The following SLC35F4 variants were observed in gnomAD, a reference collection of about 807,000 sequenced individuals.
SLC35F4 encodes solute carrier family 35 member F4, also known as chromosome 14 open reading frame 36.
Under a neutral mutation model 44.2 loss-of-function variants are expected in SLC35F4, and 24 were observed. The ratio of observed to expected loss-of-function variants is 0.54; its 90% CI spans 0.39 to 0.76. The LOEUF (loss-of-function observed/expected upper bound fraction) is 0.76, where lower values mean the gene tolerates loss of function less well. SLC35F4 is among the 30% of genes least tolerant of loss of function. SLC35F4 has a pLI of 0.00. For synonymous variants in SLC35F4, 238 were observed against 223.6 expected (o/e 1.06, Z -0.57); for missense variants, 562 against 586.1 (o/e 0.96, Z 0.42).
intron 1 of SLC35F4, among the ~76,000 whole-genome samples, chr14:57,784,426 G>A (rs1037241522): frequency 1.3e-5 from 2 of 152,206 alleles, no homozygotes; most frequent in Non-Finnish European, 2.9e-5. Context: ...GCTCATGCCT[G>A]TAATTACAAC....
intron 3 of SLC35F4, among the ~76,000 whole-genome samples, chr14:57,588,721 G>A (rs2069957405): frequency 6.6e-6 from 1 of 152,128 alleles, no homozygotes; most frequent in African/African-American, 2.4e-5. Flanking sequence ...ATGAAATCAG[G>A]CCATGTCATC....
intron 1 of SLC35F4, among the ~76,000 whole-genome samples, chr14:57,897,920 A>G (rs1166985191): frequency 6.6e-6 from 1 of 152,184 alleles, no homozygotes; most frequent in Non-Finnish European, 1.5e-5. Flanking sequence ...TTATACCAAT[A>G]TGAAAAATAA....
intron 1 of SLC35F4, among the ~76,000 whole-genome samples, chr14:57,700,560 G>T (rs572115329): frequency 1.6e-3 from 236 of 151,894 alleles, no homozygotes; most frequent in African/African-American, 5.4e-3. Flanking sequence ...AAAAATTTTT[G>T]ACTCTTTTAT....
At chr14:57,768,904 C>T (rs2077295710) in intron 1 of SLC35F4, among the ~76,000 whole-genome samples, 1 of 152,138 alleles carries the variant, frequency 6.6e-6, no homozygotes. Context: ...AGGTGTGTGC[C>T]ACCACGCCAG....
At chr14:57,838,240 A>G (rs1885132208) in intron 1 of SLC35F4, among the ~76,000 whole-genome samples, 1 of 152,206 alleles carries the variant, frequency 6.6e-6, no homozygotes, top group Non-Finnish European at 1.5e-5. Flanking sequence ...AGGAGAACAG[A>G]GGTGAGGCTT....
At chr14:57,741,407 A>G (rs1161859036) in intron 1 of SLC35F4, among the ~76,000 whole-genome samples, 1 of 152,226 alleles carries the variant, frequency 6.6e-6, no homozygotes, top group Non-Finnish European at 1.5e-5. Context: ...GACCTGATGG[A>G]GCTGAAAACC....
At chr14:57,800,500 C>T (rs2078165605) in intron 1 of SLC35F4, among the ~76,000 whole-genome samples, 1 of 152,156 alleles carries the variant, frequency 6.6e-6, no homozygotes, top group Admixed American at 6.5e-5. Context: ...GGGCACAGAA[C>T]TGGACTGAGG....
chr14:57,838,788 G>GT (rs200360976), intron 1 of SLC35F4, among the ~76,000 whole-genome samples: 1,634 of 152,226 alleles, frequency 0.011, 17 homozygotes, highest in Admixed American at 0.017. Flanking sequence ...GATTATAGGT[G>GT]TATATAGAGA....
chr14:57,719,594 AT>A (rs34957505), intron 1 of SLC35F4, among the ~76,000 whole-genome samples: 127,684 of 148,288 alleles, frequency 0.86, 55,672 homozygotes, highest in Non-Finnish European at 0.95. Context: ...TTTTCCTGGG[AT>A]TTTTTTTTTT....
intron 1 of SLC35F4, among the ~76,000 whole-genome samples, chr14:57,719,079 T>C (rs548666638): frequency 5.3e-4 from 81 of 152,338 alleles, no homozygotes; most frequent in African/African-American, 1.9e-3. Flanking sequence ...CTCAGCAGCA[T>C]TGATTGAAAA....
Position 57,960,130 on chromosome 14 carries a change from C to T in SLC35F4, n.282+21783G>A, listed in dbSNP as rs115237686. Among the ~76,000 whole-genome samples, 973 of 152,300 alleles carry T rather than the reference C, an allele frequency of 6.4e-3. 13 individuals carry two copies. Among genetic ancestry groups the T allele is most frequent in the African/African-American group, 0.022 (915 of 41,558 alleles). On this transcript the variant is annotated intron_variant and non_coding_transcript_variant, in intron 1 of 1. Transcript: ENST00000556568. The stretch of plus-strand genomic sequence containing the variant: ...TGAGAATAGTTACCTTCTAGGATAA[C>T]ATGGTAAGGGTTATGTGTGAGCCAC...
intron 1 of SLC35F4, among the ~76,000 whole-genome samples, chr14:57,747,496 C>T (rs1030440026): frequency 6.6e-6 from 1 of 151,954 alleles, no homozygotes; most frequent in South Asian, 2.1e-4. Context: ...TATGATGAAC[C>T]CCCAGTATGG....
At chr14:57,829,527 A>T (rs1012539428) in intron 1 of SLC35F4, among the ~76,000 whole-genome samples, 1 of 152,212 alleles carries the variant, frequency 6.6e-6, no homozygotes, top group Non-Finnish European at 1.5e-5. Flanking sequence ...TGTGACCAAG[A>T]GGGCAGGCCA....
intron 1 of SLC35F4, among the ~76,000 whole-genome samples, chr14:57,607,311 G>T (rs919599932): frequency 6.6e-6 from 1 of 152,186 alleles, no homozygotes; most frequent in Non-Finnish European, 1.5e-5. Flanking sequence ...TCACCCAGGG[G>T]AGGAGTACCA....
chr14:57,647,428 T>C (rs1048120610), intron 1 of SLC35F4, among the ~76,000 whole-genome samples: 2 of 151,968 alleles, frequency 1.3e-5, no homozygotes, highest in African/African-American at 2.4e-5. Context: ...CTAACAACCT[T>C]CAAAATAAAA....
intron 1 of SLC35F4, among the ~76,000 whole-genome samples, chr14:57,739,920 T>G (rs1394491530): frequency 6.6e-6 from 1 of 152,170 alleles, no homozygotes; most frequent in Non-Finnish European, 1.5e-5. Flanking sequence ...AGTGCAGTAG[T>G]GTGATCTTGG....
chr14:57,937,605 GAAAAGAAAAGAAAAGAAAAGAA>G (rs1390832875), intron 1 of SLC35F4, among the ~76,000 whole-genome samples: 1 of 54,160 alleles, frequency 1.8e-5, no homozygotes, highest in Non-Finnish European at 3.5e-5. Context: ...GAAAAGAAAA[GAAAAGAAAAGAAAAGAAAAGAA>G]AAGAAAAGAA....
At chr14:57,654,661 C>A (rs941422042) in intron 1 of SLC35F4, among the ~76,000 whole-genome samples, 3 of 152,156 alleles carry the variant, frequency 2.0e-5, no homozygotes, top group Non-Finnish European at 4.4e-5. Context: ...CTTTAAGGAA[C>A]CTTCATACTG....
intron 1 of SLC35F4, among the ~76,000 whole-genome samples, chr14:57,617,338 G>A (rs977444758): frequency 6.6e-6 from 1 of 151,496 alleles, no homozygotes; most frequent in Non-Finnish European, 1.5e-5. Context: ...CACCATGTTA[G>A]CCAGGATGGT....
Sources: allele counts gnomAD v4.1 joint callset (sites outside exome capture counted in the v4.1 genomes callset), GRCh38; gene constraint gnomAD v4.1.1; transcripts MANE v1.5; gene names NCBI Gene and HGNC (gene_info 2026-07-23, HGNC 2026-07-21).